DCBLD1: variants seen among roughly 807,000 people sequenced by gnomAD.
DCBLD1 encodes discoidin, CUB and LCCL domain-containing protein 1.
DCBLD1 carries 57 observed loss-of-function variants against 71.5 expected under a neutral mutation model. The ratio of observed to expected loss-of-function variants is 0.80; its 90% CI spans 0.64 to 0.99. The LOEUF (loss-of-function observed/expected upper bound fraction) is 0.99, where lower values mean the gene tolerates loss of function less well. Ranked by LOEUF, DCBLD1 falls within the 50% of genes least tolerant of loss-of-function variation. DCBLD1 has a pLI of 0.00. For missense variants in DCBLD1, 891 were observed against 923.5 expected (o/e 0.96, Z 0.46); for synonymous variants, 380 against 363.8 (o/e 1.04, Z -0.51).
intron 5 of DCBLD1, among the ~76,000 whole-genome samples, chr6:117,531,477 G>C (rs1033342821): frequency 6.6e-6 from 1 of 152,216 alleles, no homozygotes; most frequent in Admixed American, 6.5e-5. Flanking sequence ...TCCCACAACC[G>C]CCTGTAAATC....
intron 2 of DCBLD1, among the ~76,000 whole-genome samples, chr6:117,511,257 G>A (rs1019343992): frequency 5.9e-5 from 9 of 152,170 alleles, no homozygotes; most frequent in East Asian, 5.8e-4. Context: ...GAATAAAGTG[G>A]GAGTCTGAGA....
Position 117,548,483 on chromosome 6 carries a change from G to A in DCBLD1, c.*44G>A. 6.5e-7 allele frequency: 1 copy of A among 1,547,200 alleles called. No individual in the cohort carries two copies. The highest frequency in any genetic ancestry group is 8.7e-7 in the Non-Finnish European group (1 of 1,146,562). On this transcript the variant is annotated 3_prime_UTR_variant, in exon 15 of 15. Transcript: ENST00000338728. ...CTGCTGTGGTACTGAGCGTCGGGCT[G>A]TCACAAGGCACTGGAAGAAGGGAGC...
At chr6:117,542,137 C>T (rs1779116810) in intron 11 of DCBLD1, among the ~76,000 whole-genome samples, 1 of 151,724 alleles carries the variant, frequency 6.6e-6, no homozygotes, top group Admixed American at 6.6e-5. Context: ...TAATAAAATA[C>T]AAAAAATTAG....
At chr6:117,537,115 A>G in intron 6 of DCBLD1, 70 bp from the exon 7 acceptor site, 2 of 1,501,074 alleles carry the variant, frequency 1.3e-6, no homozygotes. Flanking sequence ...GAGCCCTGGG[A>G]TGTAGCTATA....
At chr6:117,531,358 C>G (rs1778714052) in intron 5 of DCBLD1, among the ~76,000 whole-genome samples, 1 of 151,492 alleles carries the variant, frequency 6.6e-6, no homozygotes, top group Non-Finnish European at 1.5e-5. Context: ...GTCTGAGTGC[C>G]TTAACACTCT....
At chr6:117,491,052 C>T (rs896107587) in intron 1 of DCBLD1, among the ~76,000 whole-genome samples, 1 of 152,128 alleles carries the variant, frequency 6.6e-6, no homozygotes, top group Non-Finnish European at 1.5e-5. Context: ...CATAAAATTT[C>T]CTACAGGGAA....
chr6:117,505,422 G>A (rs888124273), intron 2 of DCBLD1, among the ~76,000 whole-genome samples: 1 of 152,162 alleles, frequency 6.6e-6, no homozygotes, highest in Non-Finnish European at 1.5e-5. Context: ...TGCAGGGCCG[G>A]AAGCAGCTTT....
intron 1 of DCBLD1, among the ~76,000 whole-genome samples, chr6:117,493,322 G>C (rs9387483): frequency 0.067 from 10,188 of 152,140 alleles, 721 homozygotes; most frequent in African/African-American, 0.17. Flanking sequence ...TGAAGTGTGA[G>C]AAGTAGCACT....
In DCBLD1 at chr6:117,484,948, A is replaced by T. The variant is rs981186491; in HGVS notation, c.112+2055A>T. ...AGTGTCCACCCCTCCCGTTGTTTGC[A>T]GCCAGCCAGGTCCAGGCATTGGGGT... On this transcript the variant is annotated intron_variant, in intron 1 of 14. Coordinates refer to ENST00000338728, the MANE Select transcript of DCBLD1 (RefSeq NM_001366458.2). The T allele has an allele frequency of 3.8e-4, 58 of 152,182 alleles. 2 individuals are homozygous for T. Among genetic ancestry groups the T allele is most frequent in the Admixed American group, 3.7e-3 (57 of 15,274 alleles). The allele number at this position is 152,182 out of a possible 1,614,324, so 9.4% of individuals were successfully genotyped here.
chr6:117,543,298 T>C (rs1336064541), intron 12 of DCBLD1, 87 bp downstream of exon 12: 7 of 1,089,442 alleles, frequency 6.4e-6, no homozygotes, highest in Non-Finnish European at 9.8e-6. Flanking sequence ...AATGCATATG[T>C]ACAAAAGCAG....
At chr6:117,483,979 T>G (rs1786281516) in intron 1 of DCBLD1, among the ~76,000 whole-genome samples, 1 of 152,200 alleles carries the variant, frequency 6.6e-6, no homozygotes, top group Non-Finnish European at 1.5e-5. Context: ...CATACCAGTT[T>G]GTTTAAAAAA....
At chr6:117,527,704 G>A (rs1778586853) in intron 5 of DCBLD1, among the ~76,000 whole-genome samples, 1 of 152,154 alleles carries the variant, frequency 6.6e-6, no homozygotes, top group South Asian at 2.1e-4. Flanking sequence ...AATGTCAGGT[G>A]TAGATGTTAA....
intron 3 of DCBLD1, among the ~76,000 whole-genome samples, chr6:117,521,003 A>G (rs1425054539): frequency 6.6e-6 from 1 of 152,196 alleles, no homozygotes; most frequent in East Asian, 1.9e-4. Context: ...TGGTTCTGTA[A>G]ATTACTCCAG....
intron 2 of DCBLD1, among the ~76,000 whole-genome samples, chr6:117,516,490 A>G (rs145283516): frequency 2.6e-4 from 40 of 152,296 alleles, no homozygotes; most frequent in African/African-American, 5.8e-4. Flanking sequence ...GAAATTTGGC[A>G]TGTGAGGGTA....
chr6:117,506,882 A>G (rs1777861776), intron 2 of DCBLD1, among the ~76,000 whole-genome samples: 1 of 152,254 alleles, frequency 6.6e-6, no homozygotes, highest in South Asian at 2.1e-4. Flanking sequence ...ATGTTCTGGA[A>G]TACCACATTT....
At chr6:117,568,330 G>A (rs140507163) in intron 14 of DCBLD1, among the ~76,000 whole-genome samples, 4,321 of 152,304 alleles carry the variant, frequency 0.028, 86 homozygotes, top group Non-Finnish European at 0.046. Context: ...ACTATGGCTT[G>A]CCTTTGCTCA....
intron 1 of DCBLD1, 23 bp downstream of exon 1, chr6:117,482,916 G>T (rs1776942740): frequency 1.4e-5 from 16 of 1,182,578 alleles, no homozygotes; most frequent in African/African-American, 1.6e-5. Context: ...CGTCCGGCTG[G>T]CGGCGGGACC....
chr6:117,536,276 AC>A (rs144203910), intron 6 of DCBLD1, among the ~76,000 whole-genome samples: 3,464 of 152,322 alleles, frequency 0.023, 61 homozygotes, highest in Non-Finnish European at 0.038. Context: ...AGGGGCATCT[AC>A]CTTTTGGTGT....
chr6:117,491,041 G>T (rs1269354862), intron 1 of DCBLD1, among the ~76,000 whole-genome samples: 1 of 152,094 alleles, frequency 6.6e-6, no homozygotes, highest in African/African-American at 2.4e-5. Context: ...AATTACCAAG[G>T]CATAAAATTT....
Sources: allele counts gnomAD v4.1 joint callset (sites outside exome capture counted in the v4.1 genomes callset), GRCh38; gene constraint gnomAD v4.1.1; transcripts MANE v1.5; gene names NCBI Gene and HGNC (gene_info 2026-07-23, HGNC 2026-07-21).